Variants in TESK2 observed in about 807,000 individuals in gnomAD.
The protein encoded by TESK2 is testis associated actin remodelling kinase 2.
TESK2 carries 39 observed loss-of-function variants against 57.1 expected under a neutral mutation model. The ratio of observed to expected loss-of-function variants is 0.68; its 90% CI spans 0.53 to 0.89. The LOEUF (loss-of-function observed/expected upper bound fraction) is 0.89. TESK2 is among the 40% of genes least tolerant of loss of function. The pLI is 0.00. For synonymous variants in TESK2, 249 were observed against 267.9 expected, an observed-to-expected ratio of 0.93 and a Z score of 0.69; for missense variants, 646 against 732.1, an observed-to-expected ratio of 0.88 and a Z score of 1.36.
chr1:45,479,813 CTTTTTT>C (rs35869444), intron 1 of TESK2, among the ~76,000 whole-genome samples: 2 of 68,532 alleles, frequency 2.9e-5, no homozygotes, highest in Admixed American at 2.2e-4. Flanking sequence ...GAAGGCCCTT[CTTTTTT>C]TTTTTTTTTT....
Position 45,432,518 on chromosome 1 carries a change from C to T in TESK2, c.223-10672G>A, listed in dbSNP as rs529067275. 6.6e-5 allele frequency among the ~76,000 whole-genome samples: 10 copies of T among 151,052 alleles called. No individual in the cohort carries two copies. In the East Asian group the frequency reaches 1.5e-3, roughly 22 times the overall value. ...CATCCTGGCTAACACGGTGAAACCCCATCTCTACTAAAAATACAAAAAATT... is the reference window on the plus strand; with the variant it reads ...CATCCTGGCTAACACGGTGAAACCCTATCTCTACTAAAAATACAAAAAATT... On this transcript the variant is annotated intron_variant, in intron 2 of 10. Transcript: ENST00000372086.
intron 3 of TESK2, among the ~76,000 whole-genome samples, chr1:45,409,851 T>C (rs952028004): frequency 2.6e-5 from 4 of 152,254 alleles, no homozygotes; most frequent in South Asian, 2.1e-4. Flanking sequence ...TACTCAATAA[T>C]TAGTAATCAT....
intron 2 of TESK2, among the ~76,000 whole-genome samples, chr1:45,423,981 A>G (rs1433654661): frequency 6.6e-6 from 1 of 152,252 alleles, no homozygotes; most frequent in Non-Finnish European, 1.5e-5. Context: ...TTTCCTGCTT[A>G]GGAATTATGA....
At chr1:45,353,970 G>C (rs1343270551) in intron 5 of TESK2, among the ~76,000 whole-genome samples, 1 of 152,172 alleles carries the variant, frequency 6.6e-6, no homozygotes. Context: ...GGCAGAAAAT[G>C]GGTCAGTACA....
At chr1:45,419,035 T>C (rs1650357064) in intron 3 of TESK2, among the ~76,000 whole-genome samples, 1 of 151,602 alleles carries the variant, frequency 6.6e-6, no homozygotes, top group South Asian at 2.1e-4. Flanking sequence ...TGGAATACAG[T>C]GGCGCAATCT....
At chr1:45,357,775 G>T (rs1025886366) in intron 4 of TESK2, among the ~76,000 whole-genome samples, 4 of 151,602 alleles carry the variant, frequency 2.6e-5, no homozygotes, top group African/African-American at 9.7e-5. Context: ...GGAGGCCAAG[G>T]CAGGTGGATT....
intron 2 of TESK2, among the ~76,000 whole-genome samples, chr1:45,428,973 C>A (rs543461897): frequency 6.6e-6 from 1 of 151,992 alleles, no homozygotes; most frequent in Admixed American, 6.6e-5. Flanking sequence ...AGGCACGTGC[C>A]ACCATGCCCG....
intron 4 of TESK2, among the ~76,000 whole-genome samples, chr1:45,365,279 G>A (rs1450919437): frequency 6.6e-6 from 1 of 152,086 alleles, no homozygotes; most frequent in African/African-American, 2.4e-5. Context: ...TTTGCCTACC[G>A]CTCCAGGAGG....
intron 4 of TESK2, among the ~76,000 whole-genome samples, chr1:45,385,131 T>C (rs1484901798): frequency 6.6e-6 from 1 of 152,236 alleles, no homozygotes; most frequent in Non-Finnish European, 1.5e-5. Context: ...GAAAAGAATC[T>C]AGAACATAGA....
At chr1:45,372,748 A>G (rs1648246403) in intron 4 of TESK2, among the ~76,000 whole-genome samples, 1 of 151,374 alleles carries the variant, frequency 6.6e-6, no homozygotes, top group Non-Finnish European at 1.5e-5. Flanking sequence ...AAAAAAAAAA[A>G]GAAAAGAAGG....
In TESK2 at chr1:45,344,960, A is replaced by G. The variant is rs765571567; in HGVS notation, c.1596T>C (p.Ser532=). The G allele has an allele frequency of 6.2e-6, 10 of 1,614,056 alleles. No homozygotes were observed. Among genetic ancestry groups the G allele is most frequent in the Non-Finnish European group, 8.5e-6 (10 of 1,180,028 alleles). Residue 532 remains serine, a synonymous_variant, in exon 11 of 11, where the codon AGT becomes AGC. Coordinates refer to ENST00000372086, the MANE Select transcript of TESK2 (RefSeq NM_007170.3). ...NGFGSRPQGT[S]PCPAGASEEM... is the part of the protein sequence containing the mutation. ...CCTCAGAAGCACCCGCAGGGCATGG[A>G]CTGGTCCCCTGGGGCCTGGACCCAA...
At chr1:45,390,484 T>C (rs1264033927) in intron 3 of TESK2, among the ~76,000 whole-genome samples, 1 of 151,308 alleles carries the variant, frequency 6.6e-6, no homozygotes, top group African/African-American at 2.4e-5. Flanking sequence ...ATAGAAATCT[T>C]CCCTTGCCCC....
At chr1:45,385,736 A>ATATATATATATATATAT (rs1557552020) in intron 4 of TESK2, among the ~76,000 whole-genome samples, 176 bp downstream of exon 4, 4 of 149,198 alleles carry the variant, frequency 2.7e-5, no homozygotes, top group African/African-American at 9.9e-5. Flanking sequence ...ATATATATAT[A>ATATATATATATATATAT]AAGAAATACT....
chr1:45,416,790 ATT>A (rs1239196738), intron 3 of TESK2, among the ~76,000 whole-genome samples: 8 of 133,446 alleles, frequency 6.0e-5, no homozygotes, highest in African/African-American at 5.5e-5. Context: ...TTCTCTCCAC[ATT>A]TTTTTTTTTT....
chr1:45,448,237 C>CAAAAAAAAAAAAA (rs762537140), intron 2 of TESK2, among the ~76,000 whole-genome samples: 6 of 84,314 alleles, frequency 7.1e-5, no homozygotes, highest in East Asian at 3.6e-4. Context: ...GACCCTGTCT[C>CAAAAAAAAAAAAA]AAAAAAAAAA....
chr1:45,350,455 C>T lies in TESK2; in HGVS notation c.541-2455G>A, dbSNP rs575593145. On this transcript the variant is annotated intron_variant, in intron 5 of 10. Coordinates refer to ENST00000372086, the MANE Select transcript of TESK2 (RefSeq NM_007170.3). Reference sequence around the variant, plus strand: ...ACAAAACACTTTCTATGTGGCTTCACCTCTTTCCCCTCACCCGCAACAAAC... The same window carrying T: ...ACAAAACACTTTCTATGTGGCTTCATCTCTTTCCCCTCACCCGCAACAAAC... 8.3e-4 allele frequency among the ~76,000 whole-genome samples: 127 copies of T among 152,326 alleles called. 2 individuals carry two copies. The South Asian group carries it at 0.026, about 31-fold the overall frequency.
At chr1:45,388,666 A>G (rs1310700577) in intron 3 of TESK2, among the ~76,000 whole-genome samples, 1 of 151,930 alleles carries the variant, frequency 6.6e-6, no homozygotes, top group Non-Finnish European at 1.5e-5. Context: ...TGCTCCCTCC[A>G]AAACTCATAG....
At chr1:45,436,428 G>A (rs941957288) in intron 2 of TESK2, among the ~76,000 whole-genome samples, 10 of 140,084 alleles carry the variant, frequency 7.1e-5, no homozygotes, top group African/African-American at 1.9e-4. Flanking sequence ...CAGAAGATCC[G>A]CCTACTTCGG....
intron 4 of TESK2, among the ~76,000 whole-genome samples, chr1:45,384,363 G>GTACC (rs1419544004): frequency 6.1e-4 from 90 of 146,912 alleles, no homozygotes; most frequent in African/African-American, 2.1e-3. Flanking sequence ...ATGTACGTAC[G>GTACC]TATCTATCTA....
Sources: gnomAD v4.1 joint callset for allele counts (sites outside exome capture counted in the v4.1 genomes callset) on GRCh38, gnomAD v4.1.1 for gene constraint, MANE v1.5 for transcripts, NCBI Gene and HGNC (gene_info 2026-07-23, HGNC 2026-07-21) for gene names.